The following MAD1L1 variants were observed in gnomAD, a reference collection of about 807,000 sequenced individuals.
MAD1L1 encodes mitotic spindle assembly checkpoint protein MAD1.
In MAD1L1, 95 loss-of-function variants were observed where a neutral mutation model predicts 96.9. The ratio of observed to expected loss-of-function variants is 0.98; its 90% CI spans 0.83 to 1.16. The LOEUF (loss-of-function observed/expected upper bound fraction) is 1.16, where lower values mean the gene tolerates loss of function less well. Among genes scored for constraint, MAD1L1 ranks in the 50% most tolerant of loss-of-function variants. The probability of loss-of-function intolerance (pLI) is 0.00; values close to 1 mark genes in which losing one functional copy is unlikely to be tolerated. For missense variants in MAD1L1, 1,007 were observed against 954.4 expected, an observed-to-expected ratio of 1.06 and a Z score of -0.73; for synonymous variants, 473 against 396.6, an observed-to-expected ratio of 1.19 and a Z score of -2.29.
intron 11 of MAD1L1, among the ~76,000 whole-genome samples, chr7:2,076,539 T>C (rs145645864): frequency 1.3e-5 from 2 of 152,242 alleles, no homozygotes; most frequent in Non-Finnish European, 2.9e-5. Flanking sequence ...ACACAGACGG[T>C]CTCCTAACCC....
intron 3 of MAD1L1, among the ~76,000 whole-genome samples, chr7:2,228,095 G>A (rs995356912): frequency 5.3e-5 from 8 of 151,968 alleles, no homozygotes; most frequent in Admixed American, 3.9e-4. Context: ...TGGTCTTGCC[G>A]CCATCACTCC....
chr7:2,086,083 G>T (rs574603529), intron 11 of MAD1L1, among the ~76,000 whole-genome samples: 3 of 152,188 alleles, frequency 2.0e-5, no homozygotes, highest in Admixed American at 2.0e-4. Flanking sequence ...TGCGGGGGAG[G>T]ACGGCAAGAC....
chr7:2,063,892 AGAG>A (rs1784768617), intron 12 of MAD1L1, among the ~76,000 whole-genome samples: 1 of 152,196 alleles, frequency 6.6e-6, no homozygotes, highest in South Asian at 2.1e-4. Context: ...ACAATCCTGC[AGAG>A]GAGAAGAGAC....
At chr7:1,903,469 A>G (rs1172669797) in intron 17 of MAD1L1, among the ~76,000 whole-genome samples, 4 of 147,876 alleles carry the variant, frequency 2.7e-5, no homozygotes, top group Non-Finnish European at 5.9e-5. Flanking sequence ...GGGCTACTGA[A>G]GACGCTCTTG....
At chr7:1,872,038 G>A (rs949810231) in intron 18 of MAD1L1, among the ~76,000 whole-genome samples, 1 of 152,166 alleles carries the variant, frequency 6.6e-6, no homozygotes, top group Admixed American at 6.5e-5. Flanking sequence ...CTCCCAGGCG[G>A]CAGCTCCTGC....
rs555855381 is a variant in MAD1L1 at position 2,100,566 on chromosome 7, C to T, written c.1074-31228G>A. 1.8e-4 allele frequency among the ~76,000 whole-genome samples: 28 copies of T among 152,362 alleles called. No homozygotes were observed. The South Asian group carries it at 5.8e-3, about 32-fold the overall frequency. On this transcript the variant is annotated intron_variant, in intron 11 of 18. Coordinates refer to ENST00000265854, the MANE Select transcript of MAD1L1 (RefSeq NM_001013836.2). ...AGCGGGCCCTGCACCATCTGCAGGCCTCCTGACACCTGAGAGCAGAGATGC... is the reference window on the plus strand; with the variant it reads ...AGCGGGCCCTGCACCATCTGCAGGCTTCCTGACACCTGAGAGCAGAGATGC...
chr7:1,832,307 A>C (rs1478288612), intron 18 of MAD1L1, among the ~76,000 whole-genome samples: 1 of 152,186 alleles, frequency 6.6e-6, no homozygotes, highest in Non-Finnish European at 1.5e-5. Context: ...CAGAGCCTGA[A>C]GATGTGACTA....
intron 18 of MAD1L1, among the ~76,000 whole-genome samples, chr7:1,886,572 C>T (rs997855523): frequency 1.3e-5 from 2 of 152,242 alleles, no homozygotes; most frequent in African/African-American, 2.4e-5. Context: ...GGGGCTCGCA[C>T]ACCACACTGT....
chr7:2,017,491 C>T (rs920401807), intron 12 of MAD1L1, among the ~76,000 whole-genome samples: 19 of 152,164 alleles, frequency 1.2e-4, no homozygotes, highest in African/African-American at 2.4e-4. Context: ...ATACACCGGC[C>T]GATGGGGGCC....
rs1203586931 is a variant in MAD1L1 at position 1,905,316 on chromosome 7, A to G, written c.1808-6926T>C. Among the ~76,000 whole-genome samples, 3 of 92,048 alleles carry G rather than the reference A, an allele frequency of 3.3e-5. 1 individual carries two copies. The highest frequency in any genetic ancestry group is 1.1e-4 in the African/African-American group (3 of 27,156). 60.4% of individuals were successfully genotyped at this position (92,048 alleles called of 152,430 possible). A position where few individuals can be genotyped will look rare whatever the true frequency, so the allele number is the denominator to read the frequency against. On this transcript the variant is annotated intron_variant, in intron 17 of 18. Coordinates refer to ENST00000265854, the MANE Select transcript of MAD1L1 (RefSeq NM_001013836.2). The stretch of plus-strand genomic sequence containing the variant: ...TAAAGCACTGTTCCAGGCAGCAAGG[A>G]TGCAGTGGCCTATGGAAGACGTTCT...
chr7:2,158,700 C>T (rs1789959093), intron 10 of MAD1L1, among the ~76,000 whole-genome samples: 1 of 152,248 alleles, frequency 6.6e-6, no homozygotes, highest in Non-Finnish European at 1.5e-5. Context: ...CTGGCTGATG[C>T]AACACAATTG....
chr7:1,910,426 G>A (rs184384312), intron 17 of MAD1L1, among the ~76,000 whole-genome samples: 35 of 152,360 alleles, frequency 2.3e-4, no homozygotes, highest in Non-Finnish European at 3.4e-4. Context: ...GCCGTCCGAC[G>A]CGTCAGCACA....
chr7:2,029,914 G>C (rs1783145836), intron 12 of MAD1L1, among the ~76,000 whole-genome samples: 1 of 152,178 alleles, frequency 6.6e-6, no homozygotes, highest in Admixed American at 6.5e-5. Flanking sequence ...TGGAGCTGAA[G>C]AGAAGTAAAA....
At chr7:2,018,878 C>G (rs1782660034) in intron 12 of MAD1L1, among the ~76,000 whole-genome samples, 2 of 150,702 alleles carry the variant, frequency 1.3e-5, no homozygotes, top group Non-Finnish European at 3.0e-5. Flanking sequence ...CAAGGCTGTT[C>G]TGCACATGCG....
At chr7:1,988,196 C>G (rs980048447) in intron 14 of MAD1L1, among the ~76,000 whole-genome samples, 2 of 152,210 alleles carry the variant, frequency 1.3e-5, no homozygotes, top group Non-Finnish European at 2.9e-5. Flanking sequence ...GAGGGCCCTG[C>G]TGAACGCTTC....
chr7:2,208,485 A>G (rs1201263291), intron 10 of MAD1L1, among the ~76,000 whole-genome samples: 1 of 152,192 alleles, frequency 6.6e-6, no homozygotes, highest in Non-Finnish European at 1.5e-5. Flanking sequence ...TCTCCATGTC[A>G]GGGATGCAGT....
chr7:1,828,318 AC>A (rs1431483999), intron 18 of MAD1L1, among the ~76,000 whole-genome samples: 2 of 152,142 alleles, frequency 1.3e-5, no homozygotes, highest in African/African-American at 4.8e-5. Context: ...GCCTCGCGGG[AC>A]CCGAGTTGAG....
intron 10 of MAD1L1, among the ~76,000 whole-genome samples, chr7:2,163,070 CA>C (rs1386990952): frequency 6.6e-6 from 1 of 152,200 alleles, no homozygotes; most frequent in Non-Finnish European, 1.5e-5. Flanking sequence ...TTTGTCTTCA[CA>C]GAAACATTGC....
rs566446758 is a variant in MAD1L1 at position 1,831,098 on chromosome 7, C to T, written c.1999-14870G>A. On this transcript the variant is annotated intron_variant, in intron 18 of 18. Transcript: ENST00000265854. ...GCCCTGTGTTCACATGAGCACACCTCGCTTCATCCGTGGCCTGACTGTGCC... is the reference window on the plus strand; with the variant it reads ...GCCCTGTGTTCACATGAGCACACCTTGCTTCATCCGTGGCCTGACTGTGCC... Among the ~76,000 whole-genome samples, 59 of 152,404 alleles carry T rather than the reference C, an allele frequency of 3.9e-4. No individual in the cohort carries two copies. The South Asian group carries it at 0.011, about 29-fold the overall frequency.
Sources: allele counts gnomAD v4.1 joint callset (sites outside exome capture counted in the v4.1 genomes callset), GRCh38; gene constraint gnomAD v4.1.1; transcripts MANE v1.5; gene names NCBI Gene and HGNC (gene_info 2026-07-23, HGNC 2026-07-21).